The following PLA2G4C variants were observed in gnomAD, a reference collection of about 807,000 sequenced individuals.
PLA2G4C encodes the protein phospholipase A2 group IVC, also known as cytosolic phospholipase A2 gamma.
A neutral mutation model predicts 73.8 loss-of-function variants in PLA2G4C; 64 were observed. The ratio of observed to expected loss-of-function variants is 0.87; its 90% CI spans 0.71 to 1.07. The LOEUF is 1.07. Among genes scored for constraint, PLA2G4C ranks in the 50% least tolerant of loss-of-function variants. The pLI is 0.00. For missense variants in PLA2G4C, 622 were observed against 665.4 expected (o/e 0.93, Z 0.72); for synonymous variants, 254 against 252.1 (o/e 1.01, Z -0.07).
At chr19:48,090,980 T>G (rs1217672707) in intron 7 of PLA2G4C, among the ~76,000 whole-genome samples, 1 of 150,448 alleles carries the variant, frequency 6.6e-6, no homozygotes, top group Non-Finnish European at 1.5e-5. Context: ...CACGGCAGCT[T>G]GAGTGACAGA....
intron 14 of PLA2G4C, among the ~76,000 whole-genome samples, chr19:48,056,960 A>G (rs748899576): frequency 5.3e-5 from 8 of 152,160 alleles, no homozygotes; most frequent in Non-Finnish European, 8.8e-5. Context: ...AGAGGAGAAC[A>G]ACACACACTG....
chr19:48,105,307 G>A (rs1270897243), intron 3 of PLA2G4C, 26 bp downstream of exon 3: 5 of 1,525,860 alleles, frequency 3.3e-6, no homozygotes, highest in Non-Finnish European at 4.5e-6. Context: ...TGGGATCTCT[G>A]GGGCCACCCT....
chr19:48,100,218 A>G (rs2031824008), intron 4 of PLA2G4C, among the ~76,000 whole-genome samples: 1 of 152,130 alleles, frequency 6.6e-6, no homozygotes, highest in African/African-American at 2.4e-5. Context: ...ACATAATCCT[A>G]GAAAATCAAT....
intron 10 of PLA2G4C, among the ~76,000 whole-genome samples, chr19:48,082,821 T>A (rs1243142820): frequency 6.8e-6 from 1 of 146,420 alleles, no homozygotes; most frequent in Non-Finnish European, 1.5e-5. Context: ...CTTTCTTTTT[T>A]TTTTTTTTTT....
chr19:48,064,677 T>C (rs1352889666), intron 13 of PLA2G4C: 1 of 152,158 alleles, frequency 6.6e-6, no homozygotes, highest in African/African-American at 2.4e-5. Context: ...CTAGCCCTCA[T>C]TCAAGATAGA....
At chr19:48,091,360 A>AT (rs1406961190) in intron 7 of PLA2G4C, among the ~76,000 whole-genome samples, 3 of 151,794 alleles carry the variant, frequency 2.0e-5, no homozygotes, top group African/African-American at 7.3e-5. Context: ...TAATTTTTGT[A>AT]TTTTTTAAGT....
intron 8 of PLA2G4C, among the ~76,000 whole-genome samples, chr19:48,089,216 C>T (rs2031155335): frequency 6.6e-6 from 1 of 152,132 alleles, no homozygotes; most frequent in Non-Finnish European, 1.5e-5. Context: ...CACTTGAGGT[C>T]AGGAGTTCAA....
At chr19:48,104,314 A>C in intron 4 of PLA2G4C, 1 of 370,602 alleles carries the variant, frequency 2.7e-6, no homozygotes, top group Non-Finnish European at 4.9e-6. Context: ...ACCCCAAACT[A>C]TTGCCAGTCG....
chr19:48,079,093 C>G (rs984049334), intron 10 of PLA2G4C, among the ~76,000 whole-genome samples: 1 of 152,102 alleles, frequency 6.6e-6, no homozygotes, highest in African/African-American at 2.4e-5. Flanking sequence ...GTCTCAAACT[C>G]CTGACCTCAG....
At chr19:48,069,922 G>A (rs1968592789) in intron 12 of PLA2G4C, among the ~76,000 whole-genome samples, 1 of 151,932 alleles carries the variant, frequency 6.6e-6, no homozygotes, top group South Asian at 2.1e-4. Context: ...CCACCACTAC[G>A]CCCGGCTAAA....
At chr19:48,093,990 C>A (rs999025867) in intron 7 of PLA2G4C, among the ~76,000 whole-genome samples, 3 of 152,150 alleles carry the variant, frequency 2.0e-5, no homozygotes, top group Non-Finnish European at 2.9e-5. Flanking sequence ...GAGGCCTCCC[C>A]AGCCATGTGA....
chr19:48,090,011 C>T (rs540504742), intron 8 of PLA2G4C, among the ~76,000 whole-genome samples: 6 of 152,178 alleles, frequency 3.9e-5, no homozygotes, highest in Non-Finnish European at 8.8e-5. Context: ...CGTTATCTAC[C>T]AGGCACTGTC....
chr19:48,077,604 C>T (rs2030250950), intron 11 of PLA2G4C, among the ~76,000 whole-genome samples, 167 bp downstream of exon 11: 1 of 152,200 alleles, frequency 6.6e-6, no homozygotes, highest in Non-Finnish European at 1.5e-5. Context: ...GATCCTGCCC[C>T]TCCTGGCTGC....
At chr19:48,057,408 C>T (rs1419669439) in intron 14 of PLA2G4C, among the ~76,000 whole-genome samples, 1 of 147,430 alleles carries the variant, frequency 6.8e-6, no homozygotes, top group African/African-American at 2.5e-5. Context: ...AGTGATATTA[C>T]AACTAGAAAC....
chr19:48,080,803 CAA>C (rs200460762), intron 10 of PLA2G4C, among the ~76,000 whole-genome samples: 339 of 115,662 alleles, frequency 2.9e-3, no homozygotes, highest in African/African-American at 7.5e-3. Flanking sequence ...GACTCTGCCT[CAA>C]AAAAAAAAAA....
chr19:48,065,733 A>G (rs1040789673), intron 13 of PLA2G4C, among the ~76,000 whole-genome samples: 1 of 152,160 alleles, frequency 6.6e-6, no homozygotes, highest in African/African-American at 2.4e-5. Flanking sequence ...GTGGAGACCA[A>G]AGTTTTATCA....
At chr19:48,067,456 C>G (rs1167176608) in intron 13 of PLA2G4C, among the ~76,000 whole-genome samples, 1 of 152,160 alleles carries the variant, frequency 6.6e-6, no homozygotes, top group South Asian at 2.1e-4. Context: ...GCATGAGCCA[C>G]TGCGCCCAGC....
In PLA2G4C at chr19:48,060,002, C is replaced by A. The variant is rs1968108838; in HGVS notation, c.1257+1996G>T. Among the ~76,000 whole-genome samples, 3 of 151,972 alleles carry A rather than the reference C, an allele frequency of 2.0e-5. No individual in the cohort carries two copies. In the South Asian group the frequency reaches 6.2e-4, roughly 32 times the overall value. On this transcript the variant is annotated intron_variant, in intron 14 of 16. Transcript: ENST00000599921. ...ACCAGGCTGGTCTCGAACTCCTGAT[C>A]TTCTGATCCACCCGCCTCGGCCTCC...
chr19:48,055,826 G>T (rs866540219), intron 14 of PLA2G4C, among the ~76,000 whole-genome samples: 2 of 151,670 alleles, frequency 1.3e-5, no homozygotes, highest in South Asian at 4.2e-4. Flanking sequence ...TAGAGACAGG[G>T]TTTCTCCATG....
Sources: gnomAD v4.1 joint callset for allele counts (sites outside exome capture counted in the v4.1 genomes callset) on GRCh38, gnomAD v4.1.1 for gene constraint, MANE v1.5 for transcripts, NCBI Gene and HGNC (gene_info 2026-07-23, HGNC 2026-07-21) for gene names.